TMEM165: variants seen among roughly 807,000 people sequenced by gnomAD.
TMEM165 encodes transmembrane protein 165, also known as putative divalent cation/proton antiporter TMEM165.
A neutral mutation model predicts 30.0 loss-of-function variants in TMEM165; 19 were observed. The ratio of observed to expected loss-of-function variants is 0.63; its 90% CI spans 0.44 to 0.93. TMEM165 has a LOEUF of 0.93. Among genes scored for constraint, TMEM165 ranks in the 40% least tolerant of loss-of-function variants. TMEM165 has a pLI of 0.00. For synonymous variants in TMEM165, 168 were observed against 162.9 expected (o/e 1.03, Z -0.24); for missense variants, 340 against 417.0 (o/e 0.82, Z 1.61).
At position 55,424,421 on chromosome 4, in the gene TMEM165, A is replaced by G. The variant is rs1052651447; in HGVS notation, c.793-117A>G. ...AAATTTATTATACACCTGCATTTTT[A>G]TAACTATTATGCTTTTTAATTGTTG... On this transcript the variant is annotated intron_variant, in intron 4 of 5. Coordinates refer to ENST00000381334, the MANE Select transcript of TMEM165 (RefSeq NM_018475.5). 2.5e-5 allele frequency: 16 copies of G among 628,380 alleles called. No homozygotes were observed. The Admixed American group carries it at 3.9e-4, about 15-fold the overall frequency. The allele number at this position is 628,380 out of a possible 1,614,324, so 38.9% of individuals were successfully genotyped here. A position where few individuals can be genotyped will look rare whatever the true frequency, so the allele number is the denominator to read the frequency against.
intron 3 of TMEM165, among the ~76,000 whole-genome samples, chr4:55,446,640 T>C (rs1403732047): frequency 6.6e-6 from 1 of 152,260 alleles, no homozygotes; most frequent in African/African-American, 2.4e-5. Context: ...ATTTTCAATC[T>C]TATTTCTCTG....
chr4:55,398,549 G>T (rs1437489485), intron 1 of TMEM165, among the ~76,000 whole-genome samples: 1 of 152,168 alleles, frequency 6.6e-6, no homozygotes, highest in African/African-American at 2.4e-5. Context: ...ATTGTATGCT[G>T]GTGCAGTTCT....
At chr4:55,429,073 CTTATT>C (rs1722359125), downstream of TMEM165, 1 of 148,344 alleles carries the variant, frequency 6.7e-6, no homozygotes, top group South Asian at 2.1e-4. Context: ...AAGGTAACAA[CTTATT>C]TTAACTTAAC....
chr4:55,397,025 C>A (rs1720754690), intron 1 of TMEM165: 2 of 152,162 alleles, frequency 1.3e-5, no homozygotes, highest in Non-Finnish European at 2.9e-5. Flanking sequence ...TTTTGTCCTT[C>A]CCTGAATAGA....
At chr4:55,408,565 A>G (rs1721365815) in intron 1 of TMEM165, among the ~76,000 whole-genome samples, 1 of 152,232 alleles carries the variant, frequency 6.6e-6, no homozygotes, top group Non-Finnish European at 1.5e-5. Flanking sequence ...TTATGGGACT[A>G]CTGCTGCATA....
At chr4:55,429,518 A>G (rs1722377838), downstream of TMEM165, 1 of 151,846 alleles carries the variant, frequency 6.6e-6, no homozygotes, top group Admixed American at 6.5e-5. Context: ...ACACCATATT[A>G]AAGACAGCAA....
At chr4:55,403,129 C>CA (rs1259519209) in intron 1 of TMEM165, 1 of 645,118 alleles carries the variant, frequency 1.6e-6, no homozygotes, top group African/African-American at 2.0e-5. Flanking sequence ...GCCCAGGAGA[C>CA]AGTTCTAAGC....
intron 3 of TMEM165, chr4:55,450,382 AT>A: frequency 1.2e-6 from 1 of 846,314 alleles, no homozygotes. Context: ...AGAAATGAAA[AT>A]TTATGTGTTA....
At chr4:55,442,156 G>A in intron 3 of TMEM165, 1 of 414,134 alleles carries the variant, frequency 2.4e-6, no homozygotes, top group Non-Finnish European at 4.4e-6. Context: ...CACAGAGCCT[G>A]TCATAAACCT....
intron 3 of TMEM165, among the ~76,000 whole-genome samples, chr4:55,446,022 A>ATC (rs913669982): frequency 6.6e-6 from 1 of 151,512 alleles, no homozygotes; most frequent in African/African-American, 2.4e-5. Flanking sequence ...TGGATACTTG[A>ATC]CTGATTACAC....
chr4:55,407,351 G>T (rs1415943792), intron 1 of TMEM165, among the ~76,000 whole-genome samples: 1 of 152,192 alleles, frequency 6.6e-6, no homozygotes, highest in Non-Finnish European at 1.5e-5. Context: ...GTGAGCACTT[G>T]ATATGTGGCT....
At chr4:55,429,676 C>A (rs566374054), downstream of TMEM165, 6 of 152,300 alleles carry the variant, frequency 3.9e-5, no homozygotes, top group Admixed American at 6.5e-5. Flanking sequence ...AAAATAGAGG[C>A]ATCATGTGCC....
chr4:55,403,678 G>T (rs530792637), intron 1 of TMEM165, among the ~76,000 whole-genome samples: 2 of 152,098 alleles, frequency 1.3e-5, no homozygotes, highest in Non-Finnish European at 2.9e-5. Context: ...CAAAACACTA[G>T]TATCTCATTA....
chr4:55,416,606 G>C (rs1460498900), intron 2 of TMEM165, among the ~76,000 whole-genome samples: 1 of 152,072 alleles, frequency 6.6e-6, no homozygotes, highest in Non-Finnish European at 1.5e-5. Context: ...TGAGACTTTT[G>C]TCATGATTCT....
At chr4:55,439,555 G>A (rs996127513) in intron 3 of TMEM165, among the ~76,000 whole-genome samples, 4 of 152,062 alleles carry the variant, frequency 2.6e-5, no homozygotes, top group African/African-American at 7.2e-5. Context: ...AGAGATATTT[G>A]TACACCCATA....
intron 3 of TMEM165, among the ~76,000 whole-genome samples, chr4:55,447,906 T>C (rs1724000581): frequency 6.6e-6 from 1 of 152,196 alleles, no homozygotes; most frequent in Non-Finnish European, 1.5e-5. Flanking sequence ...ATTTTTAATG[T>C]GTTTGAGGCA....
In TMEM165 at chr4:55,396,375, C is replaced by T. The variant is rs1167117464; in HGVS notation, c.186C>T (p.Gly62=). The part of the protein sequence containing the change: ...QLQPQPVAVQ[G]PEPARVEKIF... ...AGCCGCAGCCTGTGGCTGTGCAGGG[C>T]CCCGAGCCGGCCCGGGTCGAGGTGA... Residue 62 remains glycine (G), a synonymous_variant, in exon 1 of 6, where the codon GGC becomes GGT. Transcript: ENST00000381334. 2.7e-6 allele frequency: 4 copies of T among 1,500,192 alleles called. No individual in the cohort carries two copies. The highest frequency in any genetic ancestry group is 2.5e-5 in the South Asian group (2 of 80,008). 92.9% of individuals were successfully genotyped at this position (1,500,192 alleles called of 1,614,324 possible).
chr4:55,421,166 CAAA>C (rs71194559), intron 4 of TMEM165, among the ~76,000 whole-genome samples: 3 of 83,492 alleles, frequency 3.6e-5, no homozygotes, highest in African/African-American at 1.5e-4. Context: ...GATTCCATCT[CAAA>C]AAAAAAAAAA....
intron 1 of TMEM165, 26 bp from the exon 2 acceptor site, chr4:55,411,588 A>G (rs768079044): frequency 7.1e-6 from 11 of 1,554,100 alleles, no homozygotes; most frequent in East Asian, 6.7e-5. Flanking sequence ...AATGATTTTA[A>G]GAAGTAACTG....
Sources: allele counts gnomAD v4.1 joint callset (sites outside exome capture counted in the v4.1 genomes callset), GRCh38; gene constraint gnomAD v4.1.1; transcripts MANE v1.5; gene names NCBI Gene and HGNC (gene_info 2026-07-23, HGNC 2026-07-21).